TRPC4: variants seen among roughly 807,000 people sequenced by gnomAD.
TRPC4 encodes short transient receptor potential channel 4.
Under a neutral mutation model 99.4 loss-of-function variants are expected in TRPC4, and 49 were observed. The observed-to-expected ratio is 0.49, with a 90% CI of 0.39 to 0.63. TRPC4 has a LOEUF of 0.63. TRPC4 is among the 20% of genes least tolerant of loss of function. The pLI is 0.00. For synonymous variants in TRPC4, 454 were observed against 425.9 expected (o/e 1.07, Z -0.81); for missense variants, 898 against 1,152.9 (o/e 0.78, Z 3.20).
rs1326083694 is a variant in TRPC4, at chr13:37,635,381, C to T, written c.*1522G>A. 6.6e-6 allele frequency among the ~76,000 whole-genome samples: 1 copy of T among 152,022 alleles called. No individual in the cohort carries two copies. The highest frequency in any genetic ancestry group is 2.4e-5 in the African/African-American group (1 of 41,400). The stretch of plus-strand genomic sequence containing the variant: ...TGTGAAATGGGGATAAAAACAGGAG[C>T]TACTTCAGAGGGCTGTAAAGAGCAG... On this transcript the variant is annotated 3_prime_UTR_variant, in exon 11 of 11. Transcript: ENST00000379705.
intron 1 of TRPC4, among the ~76,000 whole-genome samples, chr13:37,833,829 A>C (rs1462659812): frequency 6.6e-6 from 1 of 152,160 alleles, no homozygotes; most frequent in Non-Finnish European, 1.5e-5. Flanking sequence ...GCTGTTTTCT[A>C]ATTTTAACAA....
intron 2 of TRPC4, among the ~76,000 whole-genome samples, chr13:37,772,540 C>G (rs973529281): frequency 6.6e-6 from 1 of 151,658 alleles, no homozygotes; most frequent in Non-Finnish European, 1.5e-5. Context: ...CATATATACA[C>G]ATACCCTCTG....
chr13:37,813,426 AT>A (rs1566189994), intron 1 of TRPC4, among the ~76,000 whole-genome samples: 3 of 151,730 alleles, frequency 2.0e-5, no homozygotes, highest in African/African-American at 7.2e-5. Flanking sequence ...CAGAGAAACA[AT>A]AGGAAGAATC....
rs920064470 is a variant in TRPC4 at position 37,672,835 on chromosome 13, T to C, written c.1374+1393A>G. 1.4e-4 allele frequency among the ~76,000 whole-genome samples: 22 copies of C among 152,338 alleles called. 2 individuals carry two copies. Among genetic ancestry groups the C allele is most frequent in the Admixed American group, 1.4e-3 (21 of 15,302 alleles). Reference sequence around the variant, plus strand: ...ATAAAATTACCAAATTATGTTTTCATTTTGAAATATACTTGCTTTCCATAA... The same window carrying C: ...ATAAAATTACCAAATTATGTTTTCACTTTGAAATATACTTGCTTTCCATAA... On this transcript the variant is annotated intron_variant, in intron 5 of 10. Transcript: ENST00000379705.
chr13:37,669,886 G>A (rs1952776273), intron 5 of TRPC4, among the ~76,000 whole-genome samples: 1 of 152,094 alleles, frequency 6.6e-6, no homozygotes, highest in Admixed American at 6.6e-5. Flanking sequence ...AAGTATGAAT[G>A]TCATGAACTG....
At chr13:37,652,616 C>A (rs925814640) in intron 7 of TRPC4, among the ~76,000 whole-genome samples, 3 of 1,726 alleles carry the variant, frequency 1.7e-3, no homozygotes, top group African/African-American at 3.2e-3. Flanking sequence ...TTTCTCCCTC[C>A]TTTCCTTTCT....
At chr13:37,764,748 G>T (rs1466318250) in intron 2 of TRPC4, among the ~76,000 whole-genome samples, 1 of 146,700 alleles carries the variant, frequency 6.8e-6, no homozygotes, top group Non-Finnish European at 1.5e-5. Context: ...TTCTTGGTTT[G>T]CTAAAGTTTT....
chr13:37,848,613 G>GAC (rs1325122652), intron 1 of TRPC4, among the ~76,000 whole-genome samples: 1 of 151,980 alleles, frequency 6.6e-6, no homozygotes, highest in African/African-American at 2.4e-5. Flanking sequence ...TCTCCAATAT[G>GAC]ACACACACAC....
intron 8 of TRPC4, among the ~76,000 whole-genome samples, chr13:37,649,761 C>A (rs7330603): frequency 0.17 from 9,412 of 55,146 alleles, 1,008 homozygotes; most frequent in East Asian, 0.65. Context: ...AAAAAAAAAA[C>A]AACAACAAAG....
intron 6 of TRPC4, among the ~76,000 whole-genome samples, chr13:37,656,959 T>C (rs1341219280): frequency 6.6e-6 from 1 of 152,214 alleles, no homozygotes; most frequent in Non-Finnish European, 1.5e-5. Flanking sequence ...TGAAGGGCTA[T>C]AATTCTTTGC....
Position 37,719,056 on chromosome 13 carries a change from G to A in TRPC4, c.898-26721C>T, listed in dbSNP as rs554547722. Among the ~76,000 whole-genome samples the A allele has an allele frequency of 1.0e-3, 157 of 152,216 alleles. 1 individual carries two copies. Among genetic ancestry groups the A allele is most frequent in the African/African-American group, 3.8e-3 (156 of 41,552 alleles). Reference sequence around the variant, plus strand: ...GAGAAAAATGGCATATTATATGCAGGAGAACACCAATTAAAATTATTGCTG... The same window carrying A: ...GAGAAAAATGGCATATTATATGCAGAAGAACACCAATTAAAATTATTGCTG... On this transcript the variant is annotated intron_variant, in intron 3 of 10. Coordinates refer to ENST00000379705, the MANE Select transcript of TRPC4 (RefSeq NM_016179.4).
At chr13:37,834,889 C>T (rs1593287408) in intron 1 of TRPC4, among the ~76,000 whole-genome samples, 2 of 152,194 alleles carry the variant, frequency 1.3e-5, no homozygotes, top group African/African-American at 4.8e-5. Context: ...CATGTGCCAC[C>T]ATGCCTGGCT....
chr13:37,726,714 A>C (rs1955074473), intron 3 of TRPC4, among the ~76,000 whole-genome samples: 1 of 152,142 alleles, frequency 6.6e-6, no homozygotes, highest in African/African-American at 2.4e-5. Context: ...CAAGAGACTC[A>C]CCTTAAATTC....
intron 3 of TRPC4, among the ~76,000 whole-genome samples, chr13:37,726,298 T>C (rs2139059585): frequency 6.6e-6 from 1 of 152,282 alleles, no homozygotes; most frequent in East Asian, 1.9e-4. Context: ...AATCATTAGA[T>C]TATATTTCAT....
intron 3 of TRPC4, among the ~76,000 whole-genome samples, chr13:37,732,068 A>G (rs1229535856): frequency 1.3e-5 from 2 of 152,158 alleles, no homozygotes; most frequent in Non-Finnish European, 2.9e-5. Context: ...ACAAACATGT[A>G]TTGAGCTCAT....
At chr13:37,766,415 A>AGT (rs749006732) in intron 2 of TRPC4, among the ~76,000 whole-genome samples, 3,176 of 96,166 alleles carry the variant, frequency 0.033, 71 homozygotes, top group Non-Finnish European at 0.053. Context: ...AATCTATGCT[A>AGT]AACCGGGAAA....
chr13:37,766,540 G>A (rs1404773125), intron 2 of TRPC4, among the ~76,000 whole-genome samples: 1 of 151,364 alleles, frequency 6.6e-6, no homozygotes, highest in East Asian at 1.9e-4. Flanking sequence ...AATATATCCT[G>A]GTGAAAAAAT....
chr13:37,847,640 T>C (rs1336982968), intron 1 of TRPC4, among the ~76,000 whole-genome samples: 1 of 152,072 alleles, frequency 6.6e-6, no homozygotes, highest in African/African-American at 2.4e-5. Context: ...ATATGTACAA[T>C]TCTGCCTCAA....
chr13:37,860,649 C>A (rs78089228), intron 1 of TRPC4, among the ~76,000 whole-genome samples: 1 of 151,196 alleles, frequency 6.6e-6, no homozygotes, highest in African/African-American at 2.4e-5. Flanking sequence ...ATAATCTTAC[C>A]ACAATTTTAT....
Sources: gnomAD v4.1 joint callset for allele counts (sites outside exome capture counted in the v4.1 genomes callset) on GRCh38, gnomAD v4.1.1 for gene constraint, MANE v1.5 for transcripts, NCBI Gene and HGNC (gene_info 2026-07-23, HGNC 2026-07-21) for gene names.